WWOX: variants seen among roughly 807,000 people sequenced by gnomAD.
The protein encoded by WWOX is WW domain-containing oxidoreductase.
In WWOX, 69 loss-of-function variants were observed where a neutral mutation model predicts 46.2. That is an observed-to-expected ratio of 1.49 (90% CI 1.23 to 1.82). WWOX has a LOEUF of 1.82. WWOX is among the 40% of genes most tolerant of loss of function. The probability of loss-of-function intolerance (pLI) is 0.00; values close to 1 mark genes in which losing one functional copy is unlikely to be tolerated. For synonymous variants in WWOX, 359 were observed against 202.6 expected, an observed-to-expected ratio of 1.77 and a Z score of -6.56; for missense variants, 919 against 542.6, an observed-to-expected ratio of 1.69 and a Z score of -6.89.
intron 8 of WWOX, among the ~76,000 whole-genome samples, chr16:79,006,035 C>G (rs996308009): frequency 6.6e-6 from 1 of 152,178 alleles, no homozygotes; most frequent in African/African-American, 2.4e-5. Context: ...TGTGCTAGGC[C>G]TGGTGCTCAG....
At chr16:78,629,484 C>T (rs781484535) in intron 8 of WWOX, among the ~76,000 whole-genome samples, 1 of 152,198 alleles carries the variant, frequency 6.6e-6, no homozygotes, top group South Asian at 2.1e-4. Context: ...TCTGATCTTG[C>T]CACCACCCTA....
In WWOX at chr16:78,436,380, A is replaced by G. The variant is rs561483418; in HGVS notation, c.1056+3628A>G. Among the ~76,000 whole-genome samples the G allele has an allele frequency of 8.5e-5, 13 of 152,316 alleles. No homozygotes were observed. In the East Asian group the frequency reaches 2.3e-3, roughly 27 times the overall value. ...CACGTCTCATTTGTGAGGAAGCCGTAGGGTGTGGACTTTTCTTGTTTCTGA... is the reference window on the plus strand; with the variant it reads ...CACGTCTCATTTGTGAGGAAGCCGTGGGGTGTGGACTTTTCTTGTTTCTGA... On this transcript the variant is annotated intron_variant, in intron 8 of 8. Transcript: ENST00000566780.
chr16:78,411,308 A>G, intron 6 of WWOX, among the ~76,000 whole-genome samples: 1 of 152,280 alleles, frequency 6.6e-6, no homozygotes, highest in African/African-American at 2.4e-5. Context: ...AATGTTGAGT[A>G]ATATGCCATT....
intron 8 of WWOX, among the ~76,000 whole-genome samples, chr16:78,623,688 C>CACTGCACCTCCAGTTATTAGCTGAGTT (rs2046242139): frequency 6.7e-6 from 1 of 149,296 alleles, no homozygotes; most frequent in Non-Finnish European, 1.5e-5. Context: ...TTAGCTGAGT[C>CACTGCACCTCCAGTTATTAGCTGAGTT]ATGTCACTGC....
chr16:78,687,113 T>C (rs59025265), intron 8 of WWOX, among the ~76,000 whole-genome samples: 2 of 152,120 alleles, frequency 1.3e-5, no homozygotes, highest in Non-Finnish European at 2.9e-5. Flanking sequence ...ATGAGAGTAC[T>C]GATGACATAA....
intron 8 of WWOX, among the ~76,000 whole-genome samples, chr16:78,789,106 C>T (rs1273033154): frequency 6.6e-6 from 1 of 152,146 alleles, no homozygotes; most frequent in Admixed American, 6.5e-5. Context: ...ATTGTCAAAT[C>T]CAAGGTCATG....
chr16:79,021,161 A>G (rs2047525139), intron 8 of WWOX, among the ~76,000 whole-genome samples: 1 of 152,200 alleles, frequency 6.6e-6, no homozygotes. Flanking sequence ...ATTCGTGAAT[A>G]TGTTTATAAA....
chr16:78,910,266 T>C (rs1437288292), intron 8 of WWOX, among the ~76,000 whole-genome samples: 1 of 150,238 alleles, frequency 6.7e-6, no homozygotes, highest in Non-Finnish European at 1.5e-5. Flanking sequence ...CCCTGCTTTC[T>C]CCTGACATCA....
chr16:78,857,331 T>A (rs903852415), intron 8 of WWOX, among the ~76,000 whole-genome samples: 1 of 152,186 alleles, frequency 6.6e-6, no homozygotes, highest in Non-Finnish European at 1.5e-5. Flanking sequence ...CACCATGACA[T>A]TGGCAAAAGT....
At chr16:78,919,597 A>G (rs1363619313) in intron 8 of WWOX, among the ~76,000 whole-genome samples, 2 of 144,718 alleles carry the variant, frequency 1.4e-5, no homozygotes, top group South Asian at 2.2e-4. Flanking sequence ...AGCTCACTAC[A>G]ACCTCCGCCT....
chr16:78,240,013 T>A (rs1008454357), intron 5 of WWOX, among the ~76,000 whole-genome samples: 1 of 151,978 alleles, frequency 6.6e-6, no homozygotes, highest in Admixed American at 6.6e-5. Flanking sequence ...AGTTGCAGTG[T>A]AAGGGTAGTG....
intron 8 of WWOX, among the ~76,000 whole-genome samples, chr16:78,466,038 T>C (rs541074993): frequency 2.3e-5 from 3 of 128,998 alleles, no homozygotes; most frequent in African/African-American, 1.2e-4. Context: ...TTTGGTTTTT[T>C]GTTTTTTTTT....
intron 8 of WWOX, among the ~76,000 whole-genome samples, chr16:78,743,262 G>C (rs138441712): frequency 4.6e-5 from 7 of 152,294 alleles, no homozygotes; most frequent in African/African-American, 1.7e-4. Context: ...ACAGTGAGGA[G>C]ATTGGCCCTG....
At chr16:78,330,049 G>T in intron 5 of WWOX, among the ~76,000 whole-genome samples, 1 of 152,108 alleles carries the variant, frequency 6.6e-6, no homozygotes, top group Non-Finnish European at 1.5e-5. Flanking sequence ...TCACTGCCTG[G>T]TGCTTTCTTT....
chr16:79,191,200 C>T lies in WWOX; in HGVS notation c.1057-20408C>T, dbSNP rs541881610. Among the ~76,000 whole-genome samples, 100 of 152,028 alleles carry T rather than the reference C, an allele frequency of 6.6e-4. 1 individual carries two copies. The highest frequency in any genetic ancestry group is 2.5e-3 in the East Asian group (13 of 5,154). ...TCCCGAGTAGCTGGGACTACAGGCA[C>T]CTGCCACCACACCTGGCTAATTTTT... is the stretch of plus-strand genomic sequence containing the variant. On this transcript the variant is annotated intron_variant, in intron 8 of 8. Transcript: ENST00000566780.
At chr16:78,512,670 C>G (rs1446082003) in intron 8 of WWOX, among the ~76,000 whole-genome samples, 1 of 152,174 alleles carries the variant, frequency 6.6e-6, no homozygotes, top group South Asian at 2.1e-4. Flanking sequence ...CAATGAGACT[C>G]ATTTCGCAGG....
intron 5 of WWOX, among the ~76,000 whole-genome samples, chr16:78,249,158 C>T (rs2037911834): frequency 1.3e-5 from 2 of 152,062 alleles, no homozygotes; most frequent in African/African-American, 4.8e-5. Context: ...TGGCGTCATG[C>T]CCCGTTTTAT....
intron 5 of WWOX, among the ~76,000 whole-genome samples, chr16:78,245,194 G>T (rs1376901322): frequency 6.6e-6 from 1 of 152,134 alleles, no homozygotes; most frequent in Non-Finnish European, 1.5e-5. Flanking sequence ...CATGCCTCCA[G>T]GTTGTTCTAG....
chr16:78,889,704 CA>C (rs2044546383), intron 8 of WWOX, among the ~76,000 whole-genome samples: 1 of 152,104 alleles, frequency 6.6e-6, no homozygotes, highest in South Asian at 2.1e-4. Flanking sequence ...GGGCAGGTGA[CA>C]ATTTCTGCAG....
Sources: gnomAD v4.1 joint callset for allele counts (sites outside exome capture counted in the v4.1 genomes callset) on GRCh38, gnomAD v4.1.1 for gene constraint, MANE v1.5 for transcripts, NCBI Gene and HGNC (gene_info 2026-07-23, HGNC 2026-07-21) for gene names.